MTCL3: variants seen among roughly 807,000 people sequenced by gnomAD.
MTCL3 encodes MTCL family member 3.
chr6:127,503,611 G>A, the MTCL3 span, among the ~76,000 whole-genome samples: 1 of 152,176 alleles, frequency 6.6e-6, no homozygotes, highest in South Asian at 2.1e-4. Context: ...TTGTCTTCTT[G>A]TTCTTGGGTT....
At chr6:127,475,891 A>G in the MTCL3 span, 1 of 1,613,366 alleles carries the variant, frequency 6.2e-7, no homozygotes, top group Non-Finnish European at 8.5e-7. The surrounding 1 kb of genome is among the most constrained non-coding windows in gnomAD (Gnocchi z 7.3). Flanking sequence ...GAGCTCGTTG[A>G]TCTGCAGGCG....
At chr6:127,515,997 C>A in the MTCL3 span, 1 of 1,598,672 alleles carries the variant, frequency 6.3e-7, no homozygotes, top group Non-Finnish European at 8.5e-7. This position sits in a 1 kb window ranked among gnomAD's most constrained non-coding sequence, Gnocchi z 4.3. Flanking sequence ...CGCTGCCGCC[C>A]CTCTGCTGAG....
At chr6:127,489,962 T>A in the MTCL3 span, among the ~76,000 whole-genome samples, 4 of 152,244 alleles carry the variant, frequency 2.6e-5, no homozygotes, top group Non-Finnish European at 5.9e-5. Context: ...TGGAAGAAGA[T>A]GCCATCTAGA....
chr6:127,473,398 AG>A, the MTCL3 span: 1 of 1,519,216 alleles, frequency 6.6e-7, no homozygotes, highest in African/African-American at 1.4e-5. Flanking sequence ...ACATCTGGGA[AG>A]GTAAATGCAA....
chr6:127,484,084 G>A, the MTCL3 span, among the ~76,000 whole-genome samples: 6 of 152,174 alleles, frequency 3.9e-5, no homozygotes, highest in Non-Finnish European at 8.8e-5. Flanking sequence ...ATACCAAATC[G>A]AGGTTCTGAG....
At chr6:127,484,288 A>G in the MTCL3 span, among the ~76,000 whole-genome samples, 1 of 152,210 alleles carries the variant, frequency 6.6e-6, no homozygotes, top group Non-Finnish European at 1.5e-5. Context: ...AACTGCTTTC[A>G]TTCAGTATGA....
chr6:127,505,469 A>T, the MTCL3 span, among the ~76,000 whole-genome samples: 9,494 of 152,316 alleles, frequency 0.062, 353 homozygotes, highest in African/African-American at 0.096. Flanking sequence ...CTAAATGATG[A>T]GAATACCTTG....
the MTCL3 span, chr6:127,515,015 G>A: frequency 6.2e-7 from 1 of 1,614,028 alleles, no homozygotes; most frequent in Non-Finnish European, 8.5e-7. This position sits in a 1 kb window ranked among gnomAD's most constrained non-coding sequence, Gnocchi z 4.3. Flanking sequence ...CCCTCATCTC[G>A]TCCATCTCGG....
At chr6:127,498,713 T>C in the MTCL3 span, among the ~76,000 whole-genome samples, 1 of 152,162 alleles carries the variant, frequency 6.6e-6, no homozygotes, top group African/African-American at 2.4e-5. Context: ...ATGTGGTATA[T>C]ACATACAATT....
At chr6:127,515,697 G>A in the MTCL3 span, 8 of 1,563,364 alleles carry the variant, frequency 5.1e-6, no homozygotes, top group East Asian at 1.6e-4. This position sits in a 1 kb window ranked among gnomAD's most constrained non-coding sequence, Gnocchi z 4.3. Context: ...GGGAGGCGGA[G>A]GCGACGGCCA....
the MTCL3 span, among the ~76,000 whole-genome samples, chr6:127,478,377 C>G: frequency 6.6e-6 from 1 of 152,196 alleles, no homozygotes; most frequent in African/African-American, 2.4e-5. Flanking sequence ...ATGAAACTTA[C>G]AGAAGTTCTT....
the MTCL3 span, among the ~76,000 whole-genome samples, chr6:127,480,318 G>A: frequency 6.6e-6 from 1 of 152,332 alleles, no homozygotes; most frequent in South Asian, 2.1e-4. Context: ...AGTTCATACA[G>A]CTGGTATATG....
At chr6:127,515,411 G>T in the MTCL3 span, 3 of 1,149,114 alleles carry the variant, frequency 2.6e-6, no homozygotes, top group South Asian at 3.8e-5. This position sits in a 1 kb window ranked among gnomAD's most constrained non-coding sequence, Gnocchi z 4.3. Flanking sequence ...CCTCTTCAAG[G>T]CTCCCTAACA....
the MTCL3 span, among the ~76,000 whole-genome samples, chr6:127,474,289 T>C: frequency 2.0e-5 from 3 of 152,168 alleles, no homozygotes; most frequent in Non-Finnish European, 2.9e-5. Flanking sequence ...AATTAATTTT[T>C]TTTATTGAGA....
the MTCL3 span, among the ~76,000 whole-genome samples, chr6:127,499,986 C>G: frequency 6.6e-6 from 1 of 152,146 alleles, no homozygotes; most frequent in Non-Finnish European, 1.5e-5. Flanking sequence ...AATACTATTT[C>G]CTCAGCTATG....
the MTCL3 span, among the ~76,000 whole-genome samples, chr6:127,490,526 A>G: frequency 2.6e-5 from 4 of 152,148 alleles, no homozygotes; most frequent in African/African-American, 9.6e-5. Flanking sequence ...CATTAAGAAT[A>G]TTCATGATTG....
chr6:127,515,446 G>C, the MTCL3 span: 1 of 1,360,850 alleles, frequency 7.3e-7, no homozygotes, highest in African/African-American at 1.5e-5. The surrounding 1 kb of genome is among the most constrained non-coding windows in gnomAD (Gnocchi z 4.3). Context: ...GATCCCTGCC[G>C]GTACACGCCC....
the MTCL3 span, among the ~76,000 whole-genome samples, chr6:127,488,126 A>T: frequency 6.6e-6 from 1 of 152,022 alleles, no homozygotes; most frequent in African/African-American, 2.4e-5. Flanking sequence ...CAGTTCCTCA[A>T]ACATACCAAG....
the MTCL3 span, among the ~76,000 whole-genome samples, chr6:127,495,769 C>A: frequency 1.3e-5 from 2 of 152,096 alleles, no homozygotes; most frequent in Non-Finnish European, 2.9e-5. Flanking sequence ...AATGTGATAG[C>A]CCACAATTAC....
Sources: gnomAD v4.1 joint callset for allele counts (sites outside exome capture counted in the v4.1 genomes callset) on GRCh38, gnomAD v4.1.1 for gene constraint, Gnocchi (gnomAD v3.1) non-coding constraint, MANE v1.5 for transcripts, NCBI Gene and HGNC (gene_info 2026-07-23, HGNC 2026-07-21) for gene names.